NLGN4X: variants seen among roughly 807,000 people sequenced by gnomAD.
NLGN4X encodes neuroligin-4, X-linked.
In NLGN4X, 3 loss-of-function variants were observed where a neutral mutation model predicts 40.3. That is an observed-to-expected ratio of 0.07 (90% CI 0.03 to 0.19). The LOEUF is 0.19. Among genes scored for constraint, NLGN4X ranks in the 10% least tolerant of loss-of-function variants. The pLI, the probability that NLGN4X is intolerant of heterozygous loss-of-function variation, is 1.00. For missense variants in NLGN4X, 382 were observed against 708.3 expected (o/e 0.54, Z 5.23); for synonymous variants, 270 against 306.8 (o/e 0.88, Z 1.25).
At chrX:6,103,686 G>C (rs771583515) in intron 2 of NLGN4X, among the ~76,000 whole-genome samples, 1 of 111,775 alleles carries the variant, frequency 8.9e-6, no homozygotes, top group Non-Finnish European at 1.9e-5. Flanking sequence ...AGTTACAGTA[G>C]GACACCTGAT....
At chrX:5,918,305 G>A (rs1210812639) in intron 3 of NLGN4X, among the ~76,000 whole-genome samples, 2 of 111,911 alleles carry the variant, frequency 1.8e-5, no homozygotes, top group Non-Finnish European at 3.8e-5. Context: ...TCAGGGCACT[G>A]TAAAATGCAC....
intron 3 of NLGN4X, among the ~76,000 whole-genome samples, chrX:5,929,274 C>T (rs1483302095): frequency 2.7e-5 from 3 of 110,721 alleles, no homozygotes; most frequent in Non-Finnish European, 5.7e-5. Context: ...ACCAGCCTGG[C>T]CAACATGGTG....
At chrX:5,932,195 G>C (rs1364165311) in intron 3 of NLGN4X, among the ~76,000 whole-genome samples, 2 of 111,548 alleles carry the variant, frequency 1.8e-5, no homozygotes, top group Non-Finnish European at 1.9e-5. Context: ...CCTAATGCTG[G>C]CTCCTTTAGA....
chrX:6,225,080 C>T (rs1267377909), intron 1 of NLGN4X, among the ~76,000 whole-genome samples: 1 of 98,519 alleles, frequency 1.0e-5, no homozygotes, highest in African/African-American at 3.7e-5. Context: ...CACATACACA[C>T]ACACGCATTC....
At chrX:5,967,244 A>G (rs1396054325) in intron 3 of NLGN4X, among the ~76,000 whole-genome samples, 1 of 112,123 alleles carries the variant, frequency 8.9e-6, no homozygotes, top group African/African-American at 3.2e-5. Context: ...TAATGTTCAC[A>G]CCAAAATTTA....
In NLGN4X at chrX:6,198,266, G is replaced by A. The variant is rs149269138; in HGVS notation, c.-306+30275C>T. ...CATCATTACAACTAAAGATTTGGGG[G>A]TTCAGAGAGATGCACATAGCCATTC... is the stretch of plus-strand genomic sequence containing the variant. On this transcript the variant is annotated intron_variant, in intron 1 of 5. Coordinates refer to ENST00000381095, the MANE Select transcript of NLGN4X (RefSeq NM_181332.3). Among the ~76,000 whole-genome samples the A allele has an allele frequency of 3.5e-3, 395 of 111,278 alleles. 4 individuals carry two copies. The highest frequency in any genetic ancestry group is 0.012 in the African/African-American group (378 of 30,643).
chrX:6,223,044 T>C (rs866061132), intron 1 of NLGN4X, among the ~76,000 whole-genome samples: 1 of 111,075 alleles, frequency 9.0e-6, no homozygotes, highest in Middle Eastern at 4.7e-3. Flanking sequence ...AATGGATTAA[T>C]ACACCTCATC....
intron 3 of NLGN4X, among the ~76,000 whole-genome samples, chrX:5,998,951 T>C (rs914430605): frequency 2.7e-5 from 3 of 112,416 alleles, no homozygotes; most frequent in African/African-American, 9.7e-5. Context: ...TGGTGTTAAG[T>C]AGATTCTACT....
intron 3 of NLGN4X, among the ~76,000 whole-genome samples, chrX:6,021,192 T>C (rs1237170231): frequency 9.4e-6 from 1 of 106,612 alleles, no homozygotes; most frequent in Non-Finnish European, 1.9e-5. Context: ...TCCTCCCACC[T>C]TGGCCTCCCA....
intron 3 of NLGN4X, among the ~76,000 whole-genome samples, chrX:5,929,491 C>G (rs897143394): frequency 9.0e-6 from 1 of 110,966 alleles, no homozygotes; most frequent in East Asian, 2.8e-4. Flanking sequence ...TATGTGTATA[C>G]GCATCTTATA....
At position 6,136,144 on chromosome X, in the gene NLGN4X, T is replaced by C. The variant is rs182873501; in HGVS notation, c.472+14851A>G. Reference sequence around the variant, plus strand: ...ATGAGCTATGATTGCAATGGTGCTATCATAGCTCACTGCAGCCTCGACCTC... The same window carrying C: ...ATGAGCTATGATTGCAATGGTGCTACCATAGCTCACTGCAGCCTCGACCTC... On this transcript the variant is annotated intron_variant, in intron 2 of 5. Transcript: ENST00000381095. Among the ~76,000 whole-genome samples the C allele has an allele frequency of 2.7e-5, 3 of 112,046 alleles. 1 individual carries two copies. In the Admixed American group the frequency reaches 2.8e-4, roughly 11 times the overall value.
At chrX:5,963,131 T>C (rs939333742) in intron 3 of NLGN4X, among the ~76,000 whole-genome samples, 2 of 109,939 alleles carry the variant, frequency 1.8e-5, no homozygotes, top group African/African-American at 6.6e-5. Context: ...TGAATAGACC[T>C]TTGAAGGTGA....
rs762429537 is a variant in NLGN4X, at chrX:6,201,649, C to A, written c.-306+26892G>T. Among the ~76,000 whole-genome samples, 3 of 111,387 alleles carry A rather than the reference C, an allele frequency of 2.7e-5. No individual in the cohort carries two copies. The South Asian group carries it at 1.1e-3, about 42-fold the overall frequency. Reference sequence around the variant, plus strand: ...ACCTGTTATTTCTGAAAGTGATTTACACTGGGGATGGGAAAGAGAGGGGAT... The same window carrying A: ...ACCTGTTATTTCTGAAAGTGATTTAAACTGGGGATGGGAAAGAGAGGGGAT... On this transcript the variant is annotated intron_variant, in intron 1 of 5. Transcript: ENST00000381095.
intron 3 of NLGN4X, among the ~76,000 whole-genome samples, chrX:5,993,527 T>G (rs1444456788): frequency 9.0e-6 from 1 of 111,627 alleles, no homozygotes; most frequent in Non-Finnish European, 1.9e-5. Context: ...CTCCTTACAT[T>G]GCCAAGCAGG....
At chrX:6,095,916 C>G (rs1304254414) in intron 2 of NLGN4X, among the ~76,000 whole-genome samples, 1 of 112,092 alleles carries the variant, frequency 8.9e-6, no homozygotes, top group Non-Finnish European at 1.9e-5. Flanking sequence ...CATGCATCAC[C>G]TGTTTATAGC....
intron 2 of NLGN4X, among the ~76,000 whole-genome samples, chrX:6,042,821 A>C (rs1427354935): frequency 1.0e-5 from 1 of 100,398 alleles, no homozygotes; most frequent in Non-Finnish European, 2.0e-5. Context: ...CACGCCTGTA[A>C]TCCTGGCACT....
chrX:5,957,118 C>T (rs762857177), intron 3 of NLGN4X, among the ~76,000 whole-genome samples: 1 of 112,113 alleles, frequency 8.9e-6, no homozygotes, highest in Admixed American at 9.5e-5. Flanking sequence ...AACTCTTTCT[C>T]ATACATCCAC....
At chrX:6,142,048 TA>T (rs973671288) in intron 2 of NLGN4X, among the ~76,000 whole-genome samples, 3 of 110,272 alleles carry the variant, frequency 2.7e-5, no homozygotes, top group South Asian at 7.7e-4. Flanking sequence ...TGACAATTTC[TA>T]AAAAAAAATT....
chrX:6,071,861 C>T lies in NLGN4X; in HGVS notation c.473-42429G>A, dbSNP rs754719784. ...GCACATGGGAGTCTTTCCTGTAGCC[C>T]AAGGATTTGACTTGCCAATGTGATC... On this transcript the variant is annotated intron_variant, in intron 2 of 5. Coordinates refer to ENST00000381095, the MANE Select transcript of NLGN4X (RefSeq NM_181332.3). Among the ~76,000 whole-genome samples, 6 of 110,616 alleles carry T rather than the reference C, an allele frequency of 5.4e-5. No individual in the cohort carries two copies. The South Asian group carries it at 2.3e-3, about 43-fold the overall frequency.
Sources: gnomAD v4.1 joint callset for allele counts (sites outside exome capture counted in the v4.1 genomes callset) on GRCh38, gnomAD v4.1.1 for gene constraint, MANE v1.5 for transcripts, NCBI Gene and HGNC (gene_info 2026-07-23, HGNC 2026-07-21) for gene names.